Variants in GRM8 observed in about 807,000 individuals in gnomAD.
GRM8 encodes the protein metabotropic glutamate receptor 8.
GRM8 carries 47 observed loss-of-function variants against 87.2 expected under a neutral mutation model. The observed-to-expected ratio is 0.54, with a 90% confidence interval of 0.43 to 0.69. GRM8 has a LOEUF of 0.69. GRM8 is among the 30% of genes least tolerant of loss of function. The pLI, the probability that GRM8 is intolerant of heterozygous loss-of-function variation, is 0.00. For missense variants in GRM8, 1,019 were observed against 1,139.2 expected, an observed-to-expected ratio of 0.89 and a Z score of 1.52; for synonymous variants, 396 against 404.5, an observed-to-expected ratio of 0.98 and a Z score of 0.25.
chr7:126,887,480 A>T (rs1194894396), intron 6 of GRM8, among the ~76,000 whole-genome samples: 1 of 152,060 alleles, frequency 6.6e-6, no homozygotes, highest in East Asian at 1.9e-4. Flanking sequence ...CTTGAAGTGA[A>T]AGAAGGGAGA....
chr7:126,541,762 C>T (rs1816567214), intron 8 of GRM8, among the ~76,000 whole-genome samples: 1 of 152,188 alleles, frequency 6.6e-6, no homozygotes, highest in South Asian at 2.1e-4. Context: ...TACAAAGGTA[C>T]ATACAAGAAA....
intron 9 of GRM8, among the ~76,000 whole-genome samples, chr7:126,456,392 G>T (rs1230361680): frequency 2.0e-5 from 3 of 151,276 alleles, no homozygotes; most frequent in Non-Finnish European, 4.4e-5. Flanking sequence ...GGAATTTGGG[G>T]TTATCATTGC....
chr7:126,796,206 CT>C (rs1488316642), intron 6 of GRM8, among the ~76,000 whole-genome samples: 1 of 151,894 alleles, frequency 6.6e-6, no homozygotes. Context: ...CCATTTAAGC[CT>C]TTTTTATATA....
At chr7:126,601,604 A>G (rs1430893975) in intron 8 of GRM8, among the ~76,000 whole-genome samples, 2 of 147,388 alleles carry the variant, frequency 1.4e-5, no homozygotes, top group African/African-American at 4.9e-5. Flanking sequence ...TTGTTTCCTG[A>G]CTTTTTAATG....
intron 9 of GRM8, among the ~76,000 whole-genome samples, chr7:126,449,895 CTA>C (rs1802427436): frequency 6.6e-6 from 1 of 151,838 alleles, no homozygotes; most frequent in Non-Finnish European, 1.5e-5. Context: ...AGGATGGGGA[CTA>C]TCTTTTCTAT....
intron 6 of GRM8, among the ~76,000 whole-genome samples, chr7:126,796,943 T>C (rs1822014997): frequency 6.6e-6 from 1 of 152,130 alleles, no homozygotes; most frequent in South Asian, 2.1e-4. Flanking sequence ...TTGCGAGATT[T>C]AATAAATAAA....
chr7:126,880,586 C>T (rs1799940259), intron 6 of GRM8, among the ~76,000 whole-genome samples: 2 of 152,178 alleles, frequency 1.3e-5, no homozygotes, highest in South Asian at 2.1e-4. Context: ...TACATCAAGG[C>T]ATATGGGCCC....
chr7:126,843,815 AC>A (rs1265624223), intron 6 of GRM8, among the ~76,000 whole-genome samples: 1 of 152,218 alleles, frequency 6.6e-6, no homozygotes, highest in African/African-American at 2.4e-5. Flanking sequence ...TTCACCTGCT[AC>A]TTTTTTATTC....
chr7:126,916,653 G>A (rs1371176644), intron 3 of GRM8, among the ~76,000 whole-genome samples: 1 of 152,208 alleles, frequency 6.6e-6, no homozygotes, highest in Non-Finnish European at 1.5e-5. Context: ...CAAACAGTGA[G>A]GGGTCTTTGC....
intron 7 of GRM8, among the ~76,000 whole-genome samples, chr7:126,767,846 G>C (rs934430441): frequency 5.3e-5 from 8 of 152,118 alleles, no homozygotes; most frequent in African/African-American, 1.9e-4. Context: ...CAAGACTCAA[G>C]CCCAGCAAAA....
At chr7:126,927,118 T>A (rs1271222669) in intron 3 of GRM8, among the ~76,000 whole-genome samples, 1 of 152,190 alleles carries the variant, frequency 6.6e-6, no homozygotes, top group African/African-American at 2.4e-5. Context: ...CCATCTCATT[T>A]TTTATTTTTA....
At chr7:126,625,137 T>C (rs1420490305) in intron 7 of GRM8, among the ~76,000 whole-genome samples, 1 of 152,222 alleles carries the variant, frequency 6.6e-6, no homozygotes, top group Non-Finnish European at 1.5e-5. Flanking sequence ...TCACTTCATG[T>C]CACATTATAA....
intron 3 of GRM8, among the ~76,000 whole-genome samples, chr7:126,928,201 C>T (rs1805346114): frequency 8.2e-6 from 1 of 121,916 alleles, no homozygotes; most frequent in African/African-American, 3.3e-5. Context: ...GAGAACATCA[C>T]ACACTGCAGC....
chr7:127,248,819 G>A (rs895438646), intron 1 of GRM8, among the ~76,000 whole-genome samples: 2 of 152,094 alleles, frequency 1.3e-5, no homozygotes, highest in South Asian at 2.1e-4. Context: ...AACGGTCACA[G>A]GTCCAAAAAA....
intron 7 of GRM8, among the ~76,000 whole-genome samples, chr7:126,641,825 C>T (rs905972132): frequency 7.2e-5 from 11 of 152,138 alleles, no homozygotes; most frequent in Non-Finnish European, 1.2e-4. Context: ...ACAACATCAG[C>T]TGAGGCACAA....
intron 7 of GRM8, among the ~76,000 whole-genome samples, chr7:126,693,664 G>A (rs1228779217): frequency 2.0e-5 from 3 of 152,058 alleles, no homozygotes; most frequent in Non-Finnish European, 4.4e-5. Flanking sequence ...TAAAATTCTT[G>A]GAAGTAGTGT....
chr7:127,048,472 C>T (rs529774618), intron 3 of GRM8, among the ~76,000 whole-genome samples: 127 of 152,220 alleles, frequency 8.3e-4, no homozygotes, highest in Non-Finnish European at 1.3e-3. Flanking sequence ...TTTTTAAAGG[C>T]TTACCTTTGG....
chr7:127,008,916 T>A (rs1459463756), intron 3 of GRM8, among the ~76,000 whole-genome samples: 2 of 152,180 alleles, frequency 1.3e-5, no homozygotes, highest in African/African-American at 4.8e-5. Flanking sequence ...AAATCATTTA[T>A]AAAATTCTCA....
intron 9 of GRM8, among the ~76,000 whole-genome samples, chr7:126,514,403 T>C (rs1811875516): frequency 6.6e-6 from 1 of 152,188 alleles, no homozygotes; most frequent in South Asian, 2.1e-4. Context: ...AAAACCAAAC[T>C]TGCATTTAAA....
Sources: allele counts gnomAD v4.1 joint callset (sites outside exome capture counted in the v4.1 genomes callset), GRCh38; gene constraint gnomAD v4.1.1; transcripts MANE v1.5; gene names NCBI Gene and HGNC (gene_info 2026-07-23, HGNC 2026-07-21).